The following IQSEC1 variants were observed in gnomAD, a reference collection of about 807,000 sequenced individuals.
The protein encoded by IQSEC1 is IQ motif and SEC7 domain-containing protein 1.
IQSEC1 carries 31 observed loss-of-function variants against 91.0 expected under a neutral mutation model. That is an observed-to-expected ratio of 0.34 (90% confidence interval 0.26 to 0.46). The LOEUF (loss-of-function observed/expected upper bound fraction) is 0.46, where lower values mean the gene tolerates loss of function less well. Ranked by LOEUF, IQSEC1 falls within the 20% of genes least tolerant of loss-of-function variation. The pLI is 1.00. For synonymous variants in IQSEC1, 699 were observed against 662.6 expected (o/e 1.05, Z -0.84); for missense variants, 1,388 against 1,575.6 (o/e 0.88, Z 2.02).
At chr3:12,942,880 G>A (rs776304899) in intron 1 of IQSEC1, among the ~76,000 whole-genome samples, 10 of 152,234 alleles carry the variant, frequency 6.6e-5, no homozygotes, top group Non-Finnish European at 1.3e-4. Flanking sequence ...ACCCGAGGAG[G>A]AGAAGACCAC....
chr3:12,918,507 G>A (rs750747979), intron 6 of IQSEC1, among the ~76,000 whole-genome samples: 3 of 152,114 alleles, frequency 2.0e-5, no homozygotes, highest in Non-Finnish European at 2.9e-5. Context: ...ACGTGCAGGA[G>A]GTTCTAAAGT....
intron 1 of IQSEC1, among the ~76,000 whole-genome samples, chr3:13,186,022 C>G (rs559377050): frequency 1.3e-5 from 2 of 152,372 alleles, no homozygotes; most frequent in East Asian, 3.8e-4. Context: ...CCATCCTTAG[C>G]TGAGTTGGAC....
chr3:13,096,829 G>T (rs1302296427), intron 2 of IQSEC1, among the ~76,000 whole-genome samples: 1 of 151,022 alleles, frequency 6.6e-6, no homozygotes, highest in Non-Finnish European at 1.5e-5. Flanking sequence ...CACCTGCTGT[G>T]CACCTAAGGC....
intron 1 of IQSEC1, among the ~76,000 whole-genome samples, chr3:13,012,411 G>A (rs1373440126): frequency 6.6e-6 from 1 of 152,142 alleles, no homozygotes; most frequent in Non-Finnish European, 1.5e-5. Context: ...TCCCTCCTCT[G>A]GGCTCCCACA....
chr3:12,959,054 T>C (rs184109739), intron 1 of IQSEC1, among the ~76,000 whole-genome samples: 316 of 152,180 alleles, frequency 2.1e-3, no homozygotes, highest in African/African-American at 6.9e-3. Context: ...AACTTACAGA[T>C]TTGCAGGTGC....
Position 12,899,547 on chromosome 3 carries a change from G to GTCATGTGATGCCCTGGCAGC in IQSEC1, c.*1416_*1435dup. On this transcript the variant is annotated 3_prime_UTR_variant, in exon 14 of 14. Transcript: ENST00000613206. ...AGAAGCGACAAGAGCACAGCTGAGA[G>GTCATGTGATGCCCTGGCAGC]TCATGTGATGCCCTGGCAGCTCACT... 1 of 1,508,468 alleles carries GTCATGTGATGCCCTGGCAGC rather than the reference G, an allele frequency of 6.6e-7. No homozygotes were observed. The highest frequency in any genetic ancestry group is 2.1e-5 in the Admixed American group (1 of 46,812). The allele number at this position is 1,508,468 out of a possible 1,614,324, so 93.4% of individuals were successfully genotyped here.
intron 1 of IQSEC1, among the ~76,000 whole-genome samples, chr3:13,245,664 G>A (rs1304684190): frequency 6.6e-6 from 1 of 152,012 alleles, no homozygotes; most frequent in Non-Finnish European, 1.5e-5. Flanking sequence ...TTACTGGGGA[G>A]GCTGAGGCAC....
At chr3:13,045,815 C>T (rs950423537) in intron 1 of IQSEC1, among the ~76,000 whole-genome samples, 24 of 152,248 alleles carry the variant, frequency 1.6e-4, no homozygotes, top group African/African-American at 5.8e-4. Context: ...CCTGGGGCCA[C>T]CCTGACACAG....
In IQSEC1 at chr3:12,967,654, G is replaced by T; in HGVS notation, c.24-25789C>A. The stretch of plus-strand genomic sequence containing the variant: ...CTCCGGCCCCAAGTCCGAGCCCCAG[G>T]CCAGCCAAGCCCGCCCCTCCGCCGC... On this transcript the variant is annotated intron_variant, in intron 1 of 13. Coordinates refer to ENST00000613206, the MANE Select transcript of IQSEC1 (RefSeq NM_001134382.3). The surrounding 1 kb of genome is among the most constrained non-coding windows in gnomAD (Gnocchi z 5.9). The T allele has an allele frequency of 1.7e-6, 2 of 1,193,580 alleles. No homozygotes were observed. The highest frequency in any genetic ancestry group is 2.1e-6 in the Non-Finnish European group (2 of 964,710). The allele number at this position is 1,193,580 out of a possible 1,614,324, so 73.9% of individuals were successfully genotyped here. A position where few individuals can be genotyped will look rare whatever the true frequency, so the allele number is the denominator to read the frequency against.
intron 1 of IQSEC1, among the ~76,000 whole-genome samples, chr3:13,041,939 C>A (rs1218299112): frequency 1.3e-5 from 2 of 152,212 alleles, no homozygotes; most frequent in African/African-American, 4.8e-5. Context: ...GAGGTCGGAG[C>A]AAGTGTACCG....
intron 2 of IQSEC1, among the ~76,000 whole-genome samples, chr3:13,147,793 T>C (rs1706922495): frequency 6.6e-6 from 1 of 152,282 alleles, no homozygotes; most frequent in Admixed American, 6.5e-5. Context: ...CCACCACATC[T>C]GGCTAATTTT....
At chr3:13,212,237 A>T (rs1694460577) in intron 1 of IQSEC1, among the ~76,000 whole-genome samples, 1 of 152,158 alleles carries the variant, frequency 6.6e-6, no homozygotes, top group South Asian at 2.1e-4. Flanking sequence ...CTGTCTCTAC[A>T]GTTTTCTCTA....
chr3:13,068,363 C>G (rs1410473785), intron 1 of IQSEC1, among the ~76,000 whole-genome samples: 1 of 152,238 alleles, frequency 6.6e-6, no homozygotes, highest in Non-Finnish European at 1.5e-5. Flanking sequence ...GACAGGGTCT[C>G]TAAGTCCCAA....
intron 1 of IQSEC1, among the ~76,000 whole-genome samples, chr3:12,993,104 TG>T (rs1192388270): frequency 6.6e-6 from 1 of 152,140 alleles, no homozygotes; most frequent in Non-Finnish European, 1.5e-5. Flanking sequence ...TGCTGCCACC[TG>T]CCCCCTATGG....
In IQSEC1 at chr3:13,103,171, A is replaced by C. The variant is rs1010365194; in HGVS notation, c.303-55649T>G. ...GTCCCCGGCTGGCCCCAGGCAGGTC[A>C]GTTCAGGGAAGGGGCCTGCATCGAA... On this transcript the variant is annotated intron_variant, in intron 2 of 15. Transcript: ENST00000648114. This position sits in a 1 kb window ranked among gnomAD's most constrained non-coding sequence, Gnocchi z 4.1. Among the ~76,000 whole-genome samples the C allele has an allele frequency of 6.6e-6, 1 of 152,106 alleles. No individual in the cohort carries two copies.
chr3:12,933,545 C>G lies in IQSEC1; in HGVS notation c.1568+1903G>C, dbSNP rs148247003. ...CCTGCTTTCAGCACTTCACACAGAC[C>G]AACGCTTTACCCTCACCGCCCTGGG... On this transcript the variant is annotated intron_variant, in intron 3 of 13. Coordinates refer to ENST00000613206, the MANE Select transcript of IQSEC1 (RefSeq NM_001134382.3). 6.9e-3 allele frequency among the ~76,000 whole-genome samples: 1,047 copies of G among 152,354 alleles called. 16 individuals are homozygous for G. Among genetic ancestry groups the G allele is most frequent in the African/African-American group, 0.024 (1,012 of 41,576 alleles).
At chr3:13,004,270 A>C (rs976495802) in intron 1 of IQSEC1, among the ~76,000 whole-genome samples, 1 of 152,232 alleles carries the variant, frequency 6.6e-6, no homozygotes, top group African/African-American at 2.4e-5. Flanking sequence ...TATATGCCAT[A>C]GCTTGCATTC....
At chr3:13,093,390 G>A (rs1705900675) in intron 2 of IQSEC1, among the ~76,000 whole-genome samples, 1 of 152,124 alleles carries the variant, frequency 6.6e-6, no homozygotes, top group African/African-American at 2.4e-5. Flanking sequence ...AGCACCTTCA[G>A]TGATGCAGAG....
intron 1 of IQSEC1, among the ~76,000 whole-genome samples, chr3:13,012,141 C>A (rs1036075069): frequency 6.6e-6 from 1 of 152,178 alleles, no homozygotes; most frequent in Non-Finnish European, 1.5e-5. Flanking sequence ...GCTGGGGCTA[C>A]CTTTCACCCA....
Sources: gnomAD v4.1 joint callset for allele counts (sites outside exome capture counted in the v4.1 genomes callset) on GRCh38, gnomAD v4.1.1 for gene constraint, Gnocchi (gnomAD v3.1) non-coding constraint, MANE v1.5 for transcripts, NCBI Gene and HGNC (gene_info 2026-07-23, HGNC 2026-07-21) for gene names.